Variants in DMD observed in about 807,000 individuals in gnomAD.
DMD encodes mutant dystrophin.
A neutral mutation model predicts 330.1 loss-of-function variants in DMD; 63 were observed. The observed-to-expected ratio is 0.19, with a 90% confidence interval of 0.16 to 0.24. The LOEUF is 0.24. DMD is among the 10% of genes least tolerant of loss of function. The pLI, the probability that DMD is intolerant of heterozygous loss-of-function variation, is 1.00. For missense variants in DMD, 3,344 were observed against 2,684.1 expected, an observed-to-expected ratio of 1.25 and a Z score of -5.43; for synonymous variants, 1,223 against 959.8, an observed-to-expected ratio of 1.27 and a Z score of -5.07.
intron 55 of DMD, among the ~76,000 whole-genome samples, chrX:31,609,311 CA>C (rs2077777221): frequency 9.0e-6 from 1 of 111,686 alleles, no homozygotes; most frequent in Non-Finnish European, 1.9e-5. Flanking sequence ...ACTTGAAGAG[CA>C]TATACTATAT....
intron 7 of DMD, among the ~76,000 whole-genome samples, chrX:32,781,653 A>T (rs1169419353): frequency 9.1e-6 from 1 of 109,799 alleles, no homozygotes; most frequent in Non-Finnish European, 1.9e-5. Flanking sequence ...TCCTGCAACC[A>T]AATTTCTACC....
At chrX:32,978,886 A>C (rs1464351914) in intron 2 of DMD, among the ~76,000 whole-genome samples, 1 of 112,233 alleles carries the variant, frequency 8.9e-6, no homozygotes, top group African/African-American at 3.2e-5. Flanking sequence ...CCCTTGAAGA[A>C]CTCATTGTAA....
chrX:31,822,499 A>T (rs2092783651), intron 49 of DMD, among the ~76,000 whole-genome samples: 1 of 111,717 alleles, frequency 9.0e-6, no homozygotes, highest in African/African-American at 3.3e-5. Flanking sequence ...GGAAGTGTTT[A>T]GAGAAGAAGA....
rs780775064 is a variant in DMD at position 33,115,515 on chromosome X, CT to C, written c.32-95316del. Among the ~76,000 whole-genome samples the C allele has an allele frequency of 7.8e-4, 79 of 100,964 alleles. 2 individuals are homozygous for C. The highest frequency in any genetic ancestry group is 1.3e-3 in the African/African-American group (37 of 28,095). The allele number at this position is 100,964 out of a possible 115,157, so 87.7% of individuals were successfully genotyped here. On this transcript the variant is annotated intron_variant, in intron 1 of 78. Coordinates refer to ENST00000357033, the MANE Select transcript of DMD (RefSeq NM_004006.3). ...TATATGGTTGTAAAAGACAACATTT[CT>C]TTTTTTTTTTTTCGAGATGGAGTCT...
intron 42 of DMD, among the ~76,000 whole-genome samples, chrX:32,293,645 T>G (rs985708786): frequency 2.7e-5 from 3 of 111,901 alleles, no homozygotes; most frequent in African/African-American, 9.7e-5. Context: ...TATGCTGTAT[T>G]TGACATCAGA....
rs1254012771 is a variant in DMD, at chrX:31,668,776, C to T, written c.7872+10599G>A. Among the ~76,000 whole-genome samples, 6 of 111,449 alleles carry T rather than the reference C, an allele frequency of 5.4e-5. No individual in the cohort carries two copies. The East Asian group carries it at 1.7e-3, about 31-fold the overall frequency. On this transcript the variant is annotated intron_variant, in intron 53 of 78. Transcript: ENST00000357033. ...TCTCCCCATTTTCCACCCCTAAATC[C>T]ACAGCCTCTGGTAACCACCATTCTA...
chrX:32,046,508 G>C (rs996226406), intron 44 of DMD, among the ~76,000 whole-genome samples: 1 of 112,055 alleles, frequency 8.9e-6, no homozygotes, highest in Non-Finnish European at 1.9e-5. Flanking sequence ...CTTAAATTTC[G>C]AAATCTACGT....
intron 25 of DMD, among the ~76,000 whole-genome samples, chrX:32,455,788 TAA>T (rs900691864): frequency 4.5e-5 from 5 of 111,528 alleles, no homozygotes; most frequent in Non-Finnish European, 9.5e-5. Context: ...TGGCTCAATA[TAA>T]AGTTTTACGT....
At chrX:31,823,926 T>C (rs1026224594) in intron 49 of DMD, among the ~76,000 whole-genome samples, 2 of 111,622 alleles carry the variant, frequency 1.8e-5, no homozygotes, top group African/African-American at 6.5e-5. Context: ...AGTAATCTCA[T>C]AGACTAGGGT....
At chrX:32,971,837 G>A (rs1374358658) in intron 2 of DMD, among the ~76,000 whole-genome samples, 2 of 111,048 alleles carry the variant, frequency 1.8e-5, no homozygotes, top group African/African-American at 6.6e-5. Context: ...TGAATAGAAA[G>A]TGGTGGCCAA....
At chrX:31,252,581 A>G (rs2049490440) in intron 63 of DMD, among the ~76,000 whole-genome samples, 1 of 112,301 alleles carries the variant, frequency 8.9e-6, no homozygotes, top group African/African-American at 3.2e-5. Context: ...ATGACAGGAC[A>G]AAAAATCTGA....
At chrX:31,926,360 G>GT (rs1246844990) in intron 47 of DMD, among the ~76,000 whole-genome samples, 1 of 111,603 alleles carries the variant, frequency 9.0e-6, no homozygotes, top group Non-Finnish European at 1.9e-5. Context: ...TTCACCTGCT[G>GT]TTTTCTCTCT....
chrX:32,974,489 A>C (rs911144534), intron 2 of DMD, among the ~76,000 whole-genome samples: 1 of 111,808 alleles, frequency 8.9e-6, no homozygotes, highest in African/African-American at 3.2e-5. Context: ...AATCCCCAGG[A>C]TATCCCATTT....
At chrX:31,905,659 C>T (rs1015232556) in intron 47 of DMD, among the ~76,000 whole-genome samples, 2 of 108,321 alleles carry the variant, frequency 1.8e-5, no homozygotes, top group African/African-American at 6.7e-5. Flanking sequence ...GGGAAAAGAG[C>T]AAAGGGGATT....
At chrX:32,246,345 T>G (rs1214384185) in intron 43 of DMD, among the ~76,000 whole-genome samples, 5 of 101,710 alleles carry the variant, frequency 4.9e-5, no homozygotes, top group African/African-American at 1.8e-4. Context: ...CTTTTTGATG[T>G]GCTGCTGGAT....
chrX:32,550,182 G>A (rs1015023280), intron 16 of DMD, among the ~76,000 whole-genome samples: 1 of 111,804 alleles, frequency 8.9e-6, no homozygotes, highest in Non-Finnish European at 1.9e-5. Flanking sequence ...AAGTATTTGT[G>A]TATCCAAACA....
At chrX:32,508,622 G>A (rs1215012770) in intron 18 of DMD, among the ~76,000 whole-genome samples, 1 of 110,688 alleles carries the variant, frequency 9.0e-6, no homozygotes, top group Non-Finnish European at 1.9e-5. Flanking sequence ...GGACTTCTGA[G>A]GGGATTAAAG....
intron 60 of DMD, among the ~76,000 whole-genome samples, chrX:31,359,951 T>C (rs1007000454): frequency 8.9e-6 from 1 of 112,019 alleles, no homozygotes; most frequent in African/African-American, 3.2e-5. Context: ...AGTATCTGGA[T>C]GAAATTAATG....
intron 59 of DMD, among the ~76,000 whole-genome samples, chrX:31,477,354 A>AGAT (rs1405682600): frequency 1.4e-4 from 16 of 112,048 alleles, no homozygotes; most frequent in African/African-American, 5.2e-4. Flanking sequence ...GAGGATGCTG[A>AGAT]GATGCTGGCA....
Sources: allele counts gnomAD v4.1 joint callset (sites outside exome capture counted in the v4.1 genomes callset), GRCh38; gene constraint gnomAD v4.1.1; transcripts MANE v1.5; gene names NCBI Gene and HGNC (gene_info 2026-07-23, HGNC 2026-07-21).